The following EGFR variants were observed in gnomAD, a reference collection of about 807,000 sequenced individuals.
EGFR encodes epidermal growth factor receptor, also known as avian erythroblastic leukemia viral (v-erb-b) oncogene homolog.
EGFR carries 58 observed loss-of-function variants against 143.0 expected under a neutral mutation model. The ratio of observed to expected loss-of-function variants is 0.41; its 90% CI spans 0.33 to 0.50. EGFR has a LOEUF of 0.50. EGFR is among the 20% of genes least tolerant of loss of function. The probability of loss-of-function intolerance (pLI) is 0.39; values close to 1 mark genes in which losing one functional copy is unlikely to be tolerated. For synonymous variants in EGFR, 613 were observed against 594.4 expected, an observed-to-expected ratio of 1.03 and a Z score of -0.45; for missense variants, 1,307 against 1,579.0, an observed-to-expected ratio of 0.83 and a Z score of 2.92.
chr7:55,156,956 T>A, intron 10 of EGFR, 124 bp downstream of exon 10: 2 of 1,544,180 alleles, frequency 1.3e-6, no homozygotes, highest in Non-Finnish European at 1.7e-6. Context: ...CGTTAATGGC[T>A]GATGTTTTGA....
chr7:55,126,938 C>A (rs1003285880), intron 1 of EGFR, among the ~76,000 whole-genome samples: 2 of 152,118 alleles, frequency 1.3e-5, no homozygotes, highest in Admixed American at 1.3e-4. Context: ...TCAGTGAAAC[C>A]AAACACCCCC....
intron 1 of EGFR, among the ~76,000 whole-genome samples, chr7:55,137,694 C>T (rs929436686): frequency 1.3e-5 from 2 of 152,206 alleles, no homozygotes; most frequent in African/African-American, 4.8e-5. Context: ...AGATGAACCT[C>T]AAAACTACTG....
chr7:55,092,528 C>G (rs1437566180), intron 1 of EGFR, among the ~76,000 whole-genome samples: 3 of 152,230 alleles, frequency 2.0e-5, no homozygotes, highest in Non-Finnish European at 4.4e-5. Context: ...CCCACAAATG[C>G]AGCAAATAAA....
chr7:55,059,414 A>G (rs989207462), intron 1 of EGFR, among the ~76,000 whole-genome samples: 3 of 152,108 alleles, frequency 2.0e-5, no homozygotes, highest in African/African-American at 7.2e-5. Flanking sequence ...CCCTATTATT[A>G]ACGTCTGTCA....
chr7:55,147,682 C>T (rs186414718), intron 4 of EGFR, among the ~76,000 whole-genome samples: 2 of 152,338 alleles, frequency 1.3e-5, no homozygotes, highest in East Asian at 3.9e-4. Flanking sequence ...TGGCATTATA[C>T]ATCCACATGG....
At chr7:55,151,194 G>A (rs1785132757) in intron 4 of EGFR, 100 bp from the exon 5 acceptor site, 4 of 1,154,802 alleles carry the variant, frequency 3.5e-6, no homozygotes, top group Non-Finnish European at 5.2e-6. Context: ...TGAAAAGATT[G>A]TCTTCATTTA....
intron 10 of EGFR, 151 bp downstream of exon 10, chr7:55,156,983 A>G (rs915717065): frequency 2.7e-6 from 4 of 1,508,172 alleles, no homozygotes; most frequent in Admixed American, 4.1e-5. Flanking sequence ...TCAAAAGTGC[A>G]GTTTCTCCTG....
At chr7:55,064,696 A>C (rs1049809303) in intron 1 of EGFR, among the ~76,000 whole-genome samples, 1 of 152,262 alleles carries the variant, frequency 6.6e-6, no homozygotes, top group South Asian at 2.1e-4. Flanking sequence ...AAAGATAGTG[A>C]AACCATTATA....
At chr7:55,098,912 G>A (rs761547073) in intron 1 of EGFR, among the ~76,000 whole-genome samples, 31 of 152,114 alleles carry the variant, frequency 2.0e-4, no homozygotes, top group Non-Finnish European at 3.8e-4. Context: ...CTGACTCCCC[G>A]AGTCTTCTGA....
chr7:55,191,697 A>G (rs762040913), intron 20 of EGFR, 22 bp from the exon 21 acceptor site: 6 of 1,613,330 alleles, frequency 3.7e-6, no homozygotes, highest in Non-Finnish European at 5.1e-6. Flanking sequence ...TGTCCCTCAC[A>G]GCAGGGTCTT....
At chr7:55,157,630 G>C (rs1458043594) in intron 10 of EGFR, 33 bp from the exon 11 acceptor site, 1 of 1,584,904 alleles carries the variant, frequency 6.3e-7, no homozygotes. Context: ...CTCCTACGTG[G>C]TGTGTGTCTG....
chr7:55,174,853 G>A (rs2128954970), intron 19 of EGFR, 33 bp downstream of exon 19: 3 of 1,572,130 alleles, frequency 1.9e-6, no homozygotes, highest in African/African-American at 2.7e-5. Context: ...GGGGGTCCAT[G>A]GCTCTGAACC....
chr7:55,159,152 C>T (rs141750789), intron 11 of EGFR, among the ~76,000 whole-genome samples: 3 of 152,302 alleles, frequency 2.0e-5, no homozygotes, highest in African/African-American at 7.2e-5. Context: ...GCCCTCCCAG[C>T]CTGCATCATC....
intron 23 of EGFR, among the ~76,000 whole-genome samples, chr7:55,199,656 A>G (rs1397253750): frequency 1.3e-5 from 2 of 152,256 alleles, no homozygotes; most frequent in Non-Finnish European, 2.9e-5. Flanking sequence ...CTCAAGAGGC[A>G]TGAGGATTTC....
intron 1 of EGFR, among the ~76,000 whole-genome samples, chr7:55,136,817 A>G (rs1046447794): frequency 2.6e-5 from 4 of 152,228 alleles, no homozygotes; most frequent in African/African-American, 9.6e-5. Context: ...AGCTGATACT[A>G]TACAGTGGAC....
At chr7:55,177,755 G>A (rs190184040) in intron 19 of EGFR, among the ~76,000 whole-genome samples, 1 of 152,248 alleles carries the variant, frequency 6.6e-6, no homozygotes, top group Non-Finnish European at 1.5e-5. Context: ...TGGGCTAGGA[G>A]CCATGGGGGC....
chr7:55,070,439 G>A lies in EGFR; in HGVS notation c.88+51074G>A, dbSNP rs183026586. 3.3e-5 allele frequency among the ~76,000 whole-genome samples: 5 copies of A among 152,274 alleles called. No homozygotes were observed. In the East Asian group the frequency reaches 5.8e-4, roughly 18 times the overall value. The stretch of plus-strand genomic sequence containing the variant: ...TCTTCGGACAAATTGCCCCAACTAC[G>A]GTGGGAAAAGAACCAATGTGTTGGA... On this transcript the variant is annotated intron_variant, in intron 1 of 27. Transcript: ENST00000275493.
chr7:55,163,604 A>G (rs1785812668), intron 13 of EGFR, 129 bp from the exon 14 acceptor site: 4 of 759,460 alleles, frequency 5.3e-6, no homozygotes, highest in Non-Finnish European at 7.1e-6. Flanking sequence ...TGATTATATT[A>G]CTATATAGTC....
At chr7:55,183,924 C>A (rs1309385154) in intron 20 of EGFR, among the ~76,000 whole-genome samples, 2 of 152,170 alleles carry the variant, frequency 1.3e-5, no homozygotes, top group African/African-American at 4.8e-5. Flanking sequence ...AAAGGTGACT[C>A]CTTACATGGT....
Sources: allele counts gnomAD v4.1 joint callset (sites outside exome capture counted in the v4.1 genomes callset), GRCh38; gene constraint gnomAD v4.1.1; transcripts MANE v1.5; gene names NCBI Gene and HGNC (gene_info 2026-07-23, HGNC 2026-07-21).